Variants in PRH1 observed in about 807,000 individuals in gnomAD.
The protein encoded by PRH1 is proline rich protein HaeIII subfamily 1, also known as salivary acidic proline-rich phosphoprotein 1/2.
In PRH1, 7 loss-of-function variants were observed where a neutral mutation model predicts 7.9. The observed-to-expected ratio is 0.89, with a 90% CI of 0.50 to 1.67. The LOEUF is 1.67. Among genes scored for constraint, PRH1 ranks in the 40% most tolerant of loss-of-function variants. The pLI is 0.00. For synonymous variants in PRH1, 45 were observed against 80.8 expected (o/e 0.56, Z 2.38); for missense variants, 109 against 223.6 (o/e 0.49, Z 3.27).
chr12:10,975,214 A>G (rs1939027904), intron 1 of PRH1, among the ~76,000 whole-genome samples: 1 of 152,234 alleles, frequency 6.6e-6, no homozygotes, highest in Non-Finnish European at 1.5e-5. Flanking sequence ...CAGGCTAACA[A>G]TGGACCTTTT....
At chr12:11,120,979 T>C (rs1341765787) in exon 2 of PRH1, 1 of 154,826 alleles carries the variant, frequency 6.5e-6, no homozygotes, top group African/African-American at 2.4e-5. Context: ...AGATTGGTGG[T>C]TTGAAAACAT....
chr12:10,965,898 C>T lies in PRH1; in HGVS notation c.-59+7757G>A, dbSNP rs543615400. Among the ~76,000 whole-genome samples, 6 of 152,226 alleles carry T rather than the reference C, an allele frequency of 3.9e-5. No homozygotes were observed. In the Middle Eastern group the frequency reaches 0.01, roughly 259 times the overall value. ...ATCCAAACTTTTTAATCAAAGTCAT[C>T]GAAAATTTTCTTGGGAACCATGGGA... On this transcript the variant is annotated intron_variant, in intron 2 of 3. Coordinates refer to the PRH1 transcript ENST00000539853.
chr12:11,111,410 C>T (rs1342994043), intron 1 of PRH1, among the ~76,000 whole-genome samples: 3 of 152,188 alleles, frequency 2.0e-5, no homozygotes, highest in African/African-American at 4.8e-5. Context: ...AAGTGAAACA[C>T]TCCTCAGCAA....
intron 2 of PRH1, among the ~76,000 whole-genome samples, chr12:10,970,022 G>A (rs1938727587): frequency 6.6e-6 from 1 of 152,108 alleles, no homozygotes; most frequent in African/African-American, 2.4e-5. Flanking sequence ...GGCTAGTCTT[G>A]AACTCCTGAC....
chr12:11,064,854 G>A (rs998369258), intron 1 of PRH1, among the ~76,000 whole-genome samples: 4 of 151,890 alleles, frequency 2.6e-5, no homozygotes, highest in African/African-American at 7.3e-5. Flanking sequence ...ACACCCAGGA[G>A]TTCAAGACCA....
At chr12:10,901,263 G>A (rs959357373) in intron 2 of PRH1, among the ~76,000 whole-genome samples, 49 of 152,270 alleles carry the variant, frequency 3.2e-4, no homozygotes, top group African/African-American at 1.2e-3. Context: ...GGTTGGTGGG[G>A]GTGGGTTCTG....
chr12:11,150,293 C>T (rs1007952266), intron 1 of PRH1, among the ~76,000 whole-genome samples: 4 of 151,796 alleles, frequency 2.6e-5, no homozygotes, highest in Admixed American at 2.0e-4. Context: ...CTAGAAATAC[C>T]ATTTGACCCA....
At chr12:10,942,027 C>T (rs777242951) in intron 2 of PRH1, among the ~76,000 whole-genome samples, 2 of 152,058 alleles carry the variant, frequency 1.3e-5, no homozygotes, top group Non-Finnish European at 2.9e-5. Flanking sequence ...CCACCAGGCT[C>T]CAGGCTGATA....
At chr12:10,912,604 C>T (rs533715039) in intron 2 of PRH1, among the ~76,000 whole-genome samples, 118 of 151,738 alleles carry the variant, frequency 7.8e-4, no homozygotes, top group Middle Eastern at 6.8e-3. Flanking sequence ...TTTTTACTTC[C>T]GTTGAGTATG....
At chr12:11,130,341 G>A (rs1296112961) in intron 1 of PRH1, among the ~76,000 whole-genome samples, 1 of 152,134 alleles carries the variant, frequency 6.6e-6, no homozygotes, top group African/African-American at 2.4e-5. Context: ...TCCACATGCT[G>A]AGACAATCTT....
intron 1 of PRH1, among the ~76,000 whole-genome samples, chr12:11,000,789 C>T (rs1484289793): frequency 6.6e-6 from 1 of 152,024 alleles, no homozygotes; most frequent in Non-Finnish European, 1.5e-5. Flanking sequence ...AGTTGTCTTC[C>T]AATTCACTAA....
intron 2 of PRH1, among the ~76,000 whole-genome samples, chr12:10,942,024 G>A (rs1950409209): frequency 6.6e-6 from 1 of 152,082 alleles, no homozygotes; most frequent in Non-Finnish European, 1.5e-5. Flanking sequence ...AGTCCACCAG[G>A]CTCCAGGCTG....
chr12:11,086,701 G>T (rs1283782296), intron 1 of PRH1, among the ~76,000 whole-genome samples: 2 of 121,962 alleles, frequency 1.6e-5, no homozygotes, highest in African/African-American at 5.6e-5. Context: ...ATCACCTGAG[G>T]TCAGGAGTTT....
chr12:10,947,950 T>C (rs917720893), intron 2 of PRH1, among the ~76,000 whole-genome samples: 5 of 152,216 alleles, frequency 3.3e-5, no homozygotes, highest in African/African-American at 9.6e-5. Flanking sequence ...ATGTTGAATA[T>C]AGGCCTCCAA....
intron 1 of PRH1, chr12:11,030,395 C>T (rs936733762): frequency 1.9e-6 from 3 of 1,609,658 alleles, no homozygotes; most frequent in Non-Finnish European, 2.5e-6. Context: ...CACAATGCCC[C>T]TCTCATGAAT....
chr12:10,964,003 A>C (rs1938380578), intron 2 of PRH1, among the ~76,000 whole-genome samples: 1 of 152,246 alleles, frequency 6.6e-6, no homozygotes, highest in African/African-American at 2.4e-5. Flanking sequence ...ACTATGGTAC[A>C]TACGTATGGT....
intron 1 of PRH1, among the ~76,000 whole-genome samples, chr12:11,170,574 G>T (rs900273503): frequency 4.6e-5 from 7 of 152,186 alleles, no homozygotes; most frequent in Admixed American, 3.9e-4. Flanking sequence ...AAAGAGTTTG[G>T]AAGTACAGAG....
intron 1 of PRH1, among the ~76,000 whole-genome samples, chr12:11,065,674 GAAACT>G (rs768229690): frequency 3.3e-4 from 50 of 152,218 alleles, no homozygotes; most frequent in Non-Finnish European, 6.6e-4. Context: ...TTTTAATGGA[GAAACT>G]AAACAAAGTA....
chr12:11,123,473 T>C (rs1317482981), intron 1 of PRH1, among the ~76,000 whole-genome samples: 1 of 152,150 alleles, frequency 6.6e-6, no homozygotes, highest in African/African-American at 2.4e-5. Context: ...GCATATATCT[T>C]ATCAATTATA....
Sources: gnomAD v4.1 joint callset for allele counts (sites outside exome capture counted in the v4.1 genomes callset) on GRCh38, gnomAD v4.1.1 for gene constraint, MANE v1.5 for transcripts, NCBI Gene and HGNC (gene_info 2026-07-23, HGNC 2026-07-21) for gene names.